Variants in STXBP4 observed in about 807,000 individuals in gnomAD.
STXBP4 encodes the protein syntaxin binding protein 4.
A neutral mutation model predicts 76.1 loss-of-function variants in STXBP4; 55 were observed. The ratio of observed to expected loss-of-function variants is 0.72; its 90% CI spans 0.58 to 0.91. STXBP4 has a LOEUF of 0.91. Ranked by LOEUF, STXBP4 falls within the 40% of genes least tolerant of loss-of-function variation. STXBP4 has a pLI of 0.00. For synonymous variants in STXBP4, 201 were observed against 220.2 expected, an observed-to-expected ratio of 0.91 and a Z score of 0.77; for missense variants, 618 against 636.9, an observed-to-expected ratio of 0.97 and a Z score of 0.32.
chr17:55,018,724 T>C (rs1296046238), intron 8 of STXBP4, among the ~76,000 whole-genome samples: 1 of 151,986 alleles, frequency 6.6e-6, no homozygotes, highest in South Asian at 2.1e-4. Context: ...AGGGGGTGGA[T>C]CTCACAAAAT....
chr17:55,121,731 C>T (rs1302431526), intron 16 of STXBP4, among the ~76,000 whole-genome samples: 4 of 151,954 alleles, frequency 2.6e-5, no homozygotes, highest in Admixed American at 2.0e-4. Flanking sequence ...GAGTGGCCAC[C>T]CACCCCAGTT....
At chr17:55,062,420 C>CA (rs1257329689) in intron 12 of STXBP4, among the ~76,000 whole-genome samples, 1 of 152,112 alleles carries the variant, frequency 6.6e-6, no homozygotes, top group Non-Finnish European at 1.5e-5. Flanking sequence ...GACATGCACT[C>CA]ATCCTTTTTT....
intron 16 of STXBP4, among the ~76,000 whole-genome samples, chr17:55,112,912 G>T (rs1340286065): frequency 6.6e-6 from 1 of 152,088 alleles, no homozygotes; most frequent in Non-Finnish European, 1.5e-5. Context: ...GATAAATGCT[G>T]ATAACAAGGG....
intron 12 of STXBP4, among the ~76,000 whole-genome samples, chr17:55,063,504 C>A (rs1164602812): frequency 6.6e-6 from 1 of 152,122 alleles, no homozygotes; most frequent in Admixed American, 6.6e-5. Context: ...TATTTAGGGA[C>A]CACATGTCAT....
the STXBP4 span, among the ~76,000 whole-genome samples, chr17:55,185,253 TTCTCCTTCTCCTTCTCCTTCTC>T: frequency 8.2e-3 from 392 of 48,012 alleles, no homozygotes; most frequent in Admixed American, 0.011. Context: ...CTTCTTCTCC[TTCTCCTTCTCCTTCTCCTTCTC>T]CTTCTCCTTC....
chr17:55,179,430 C>A, the STXBP4 span, among the ~76,000 whole-genome samples: 20 of 152,244 alleles, frequency 1.3e-4, no homozygotes, highest in African/African-American at 4.8e-4. Flanking sequence ...TAAAAGAAAG[C>A]ACATCCTTGG....
At chr17:55,197,833 A>G in the STXBP4 span, among the ~76,000 whole-genome samples, 1 of 152,186 alleles carries the variant, frequency 6.6e-6, no homozygotes, top group Non-Finnish European at 1.5e-5. Flanking sequence ...CTGAATTTGG[A>G]AACACCAAAT....
intron 17 of STXBP4, among the ~76,000 whole-genome samples, chr17:55,146,924 T>C (rs192536997): frequency 2.6e-5 from 4 of 152,306 alleles, no homozygotes; most frequent in East Asian, 1.9e-4. Flanking sequence ...GTGTCTTTTA[T>C]AACCAATGTC....
chr17:55,136,647 A>G (rs952287085), intron 16 of STXBP4, among the ~76,000 whole-genome samples: 11 of 152,124 alleles, frequency 7.2e-5, no homozygotes, highest in African/African-American at 2.4e-4. Context: ...TATTTACACT[A>G]TGAAACTGAG....
At chr17:55,046,378 C>A (rs2078788516) in intron 11 of STXBP4, among the ~76,000 whole-genome samples, 5 of 151,832 alleles carry the variant, frequency 3.3e-5, no homozygotes, top group Admixed American at 2.6e-4. Flanking sequence ...TGTAATATTG[C>A]CATGAATCTT....
rs184825443 is a variant in STXBP4 at position 55,163,893 on chromosome 17, G to A, written c.*3982G>A. The stretch of plus-strand genomic sequence containing the variant: ...CTCCAATAATAAATGCAAAGCAGCT[G>A]TCAAAATATAGAGTCAAGTGATACT... On this transcript the variant is annotated 3_prime_UTR_variant, in exon 18 of 18. Coordinates refer to ENST00000376352, the MANE Select transcript of STXBP4 (RefSeq NM_178509.6). The A allele has an allele frequency of 1.3e-5, 2 of 152,702 alleles. No individual in the cohort carries two copies. Among genetic ancestry groups the A allele is most frequent in the Non-Finnish European group, 2.9e-5 (2 of 68,016 alleles). The allele number at this position is 152,702 out of a possible 1,614,324, so 9.5% of individuals were successfully genotyped here.
At chr17:55,100,965 G>T (rs2079556166) in intron 16 of STXBP4, among the ~76,000 whole-genome samples, 1 of 152,148 alleles carries the variant, frequency 6.6e-6, no homozygotes, top group South Asian at 2.1e-4. Context: ...CCCCAGTCAA[G>T]CCTCAGATGA....
chr17:55,003,030 C>T (rs2077945368), intron 7 of STXBP4, among the ~76,000 whole-genome samples: 1 of 152,170 alleles, frequency 6.6e-6, no homozygotes. Context: ...AATAAGGAAT[C>T]TGTCACAATA....
chr17:54,987,560 A>G (rs1244694933), intron 3 of STXBP4, among the ~76,000 whole-genome samples: 1 of 152,178 alleles, frequency 6.6e-6, no homozygotes, highest in African/African-American at 2.4e-5. Context: ...TTATAACTGC[A>G]TAATATTCTA....
At chr17:55,121,944 A>G (rs1177927300) in intron 16 of STXBP4, among the ~76,000 whole-genome samples, 1 of 152,092 alleles carries the variant, frequency 6.6e-6, no homozygotes, top group East Asian at 1.9e-4. Flanking sequence ...CCTAAAGGAT[A>G]CTAGAGTAGA....
At chr17:55,039,023 G>A (rs1598249545) in intron 10 of STXBP4, among the ~76,000 whole-genome samples, 3 of 152,032 alleles carry the variant, frequency 2.0e-5, no homozygotes, top group South Asian at 2.1e-4. Context: ...CTTCCCTAAC[G>A]AAAACACGAA....
intron 16 of STXBP4, among the ~76,000 whole-genome samples, chr17:55,120,021 T>G (rs2145086603): frequency 6.6e-6 from 1 of 152,302 alleles, no homozygotes; most frequent in Admixed American, 6.5e-5. Flanking sequence ...CCACCTTTAT[T>G]GTTAACATAT....
intron 16 of STXBP4, among the ~76,000 whole-genome samples, chr17:55,122,110 C>T (rs773660354): frequency 5.3e-5 from 8 of 152,152 alleles, no homozygotes; most frequent in Non-Finnish European, 1.2e-4. Context: ...TAAATCCCTC[C>T]AGACAATATT....
At chr17:55,123,531 A>T (rs2079870368) in intron 16 of STXBP4, among the ~76,000 whole-genome samples, 1 of 152,164 alleles carries the variant, frequency 6.6e-6, no homozygotes, top group Non-Finnish European at 1.5e-5. Flanking sequence ...GAAATTAAAT[A>T]TTGTGTTCTA....
Sources: gnomAD v4.1 joint callset for allele counts (sites outside exome capture counted in the v4.1 genomes callset) on GRCh38, gnomAD v4.1.1 for gene constraint, MANE v1.5 for transcripts, NCBI Gene and HGNC (gene_info 2026-07-23, HGNC 2026-07-21) for gene names.